Variants in WWOX observed in about 807,000 individuals in gnomAD.
The protein encoded by WWOX is WW domain containing oxidoreductase, also known as WW domain-containing oxidoreductase.
Under a neutral mutation model 46.2 loss-of-function variants are expected in WWOX, and 69 were observed. That is an observed-to-expected ratio of 1.49 (90% CI 1.23 to 1.82). The LOEUF (loss-of-function observed/expected upper bound fraction) is 1.82, where lower values mean the gene tolerates loss of function less well. Ranked by LOEUF, WWOX falls within the 40% of genes most tolerant of loss-of-function variation. WWOX has a pLI of 0.00. For synonymous variants in WWOX, 359 were observed against 202.6 expected (o/e 1.77, Z -6.56); for missense variants, 919 against 542.6 (o/e 1.69, Z -6.89).
At chr16:78,408,088 C>T (rs4888803) in intron 6 of WWOX, among the ~76,000 whole-genome samples, 6,068 of 152,160 alleles carry the variant, frequency 0.04, 277 homozygotes, top group Admixed American at 0.15. Context: ...AGATAGGAGC[C>T]GGTCCCTGTT....
chr16:78,569,668 A>G (rs1287098586), intron 8 of WWOX, among the ~76,000 whole-genome samples: 1 of 152,228 alleles, frequency 6.6e-6, no homozygotes, highest in Non-Finnish European at 1.5e-5. Flanking sequence ...CATTTTTATT[A>G]AACTCTCAGT....
chr16:78,855,340 G>T (rs1319183110), intron 8 of WWOX, among the ~76,000 whole-genome samples: 1 of 152,080 alleles, frequency 6.6e-6, no homozygotes, highest in African/African-American at 2.4e-5. Flanking sequence ...AATCTGAGTG[G>T]GTGTCTAATT....
intron 8 of WWOX, among the ~76,000 whole-genome samples, chr16:78,831,089 T>C (rs1467580917): frequency 6.6e-6 from 1 of 152,186 alleles, no homozygotes; most frequent in Non-Finnish European, 1.5e-5. Flanking sequence ...ACTGCGTTCC[T>C]AGCCCTCCAG....
chr16:78,648,305 T>C (rs923093058), intron 8 of WWOX, among the ~76,000 whole-genome samples: 2 of 152,206 alleles, frequency 1.3e-5, no homozygotes, highest in Non-Finnish European at 2.9e-5. Context: ...TGCGAGGCCC[T>C]TGTTGTAAGG....
At chr16:79,153,274 C>T (rs2050316889) in intron 8 of WWOX, among the ~76,000 whole-genome samples, 1 of 152,144 alleles carries the variant, frequency 6.6e-6, no homozygotes, top group South Asian at 2.1e-4. Context: ...GACTTCCTTT[C>T]TCCAGCTGTG....
chr16:78,360,688 A>G (rs2081390509), intron 5 of WWOX, among the ~76,000 whole-genome samples: 1 of 77,544 alleles, frequency 1.3e-5, no homozygotes. Flanking sequence ...CAAAACTAGA[A>G]AATAGACAAT....
intron 5 of WWOX, among the ~76,000 whole-genome samples, chr16:78,320,394 T>G (rs1460027757): frequency 6.6e-6 from 1 of 152,228 alleles, no homozygotes; most frequent in Non-Finnish European, 1.5e-5. Flanking sequence ...GAACTCCAAG[T>G]AGACGGTTGA....
chr16:78,513,387 G>A (rs2085411055), intron 8 of WWOX, among the ~76,000 whole-genome samples: 1 of 152,148 alleles, frequency 6.6e-6, no homozygotes, highest in Admixed American at 6.5e-5. Context: ...TTGAGATAGG[G>A]TATCCACTGC....
In WWOX at chr16:78,520,942, C is replaced by T. The variant is rs139975354; in HGVS notation, c.1056+88190C>T. Among the ~76,000 whole-genome samples, 732 of 152,168 alleles carry T rather than the reference C, an allele frequency of 4.8e-3. 3 individuals are homozygous for T. Among genetic ancestry groups the T allele is most frequent in the Middle Eastern group, 0.014 (4 of 294 alleles). ...CAAAAGAGCTCAAAATAGACAGTGG[C>T]GTGCTGGGGTCAGGGGTGCTGGTCA... On this transcript the variant is annotated intron_variant, in intron 8 of 8. Transcript: ENST00000566780.
At chr16:78,604,069 G>A (rs560767309) in intron 8 of WWOX, among the ~76,000 whole-genome samples, 13 of 152,206 alleles carry the variant, frequency 8.5e-5, no homozygotes, top group African/African-American at 2.2e-4. Context: ...GCTTGAGCCC[G>A]GGAGGTGGAG....
chr16:78,252,126 C>T (rs1013075501), intron 5 of WWOX, among the ~76,000 whole-genome samples: 8 of 152,082 alleles, frequency 5.3e-5, no homozygotes, highest in African/African-American at 1.7e-4. Flanking sequence ...CACAGAGGTG[C>T]CCTTTGGGGA....
chr16:78,505,563 G>C lies in WWOX; in HGVS notation c.1056+72811G>C, dbSNP rs76600020. Among the ~76,000 whole-genome samples the C allele has an allele frequency of 1.1e-3, 161 of 152,284 alleles. 1 individual carries two copies. The highest frequency in any genetic ancestry group is 3.4e-3 in the African/African-American group (143 of 41,564). On this transcript the variant is annotated intron_variant, in intron 8 of 8. Transcript: ENST00000566780. Reference sequence around the variant, plus strand: ...CTGCTGGGCTCTAGAGAAGTGCTGGGCTACAGCGCCCAGTGCCCTACCTCT... The same window carrying C: ...CTGCTGGGCTCTAGAGAAGTGCTGGCCTACAGCGCCCAGTGCCCTACCTCT...
At chr16:78,147,136 A>C (rs1016749738) in intron 4 of WWOX, among the ~76,000 whole-genome samples, 1 of 150,282 alleles carries the variant, frequency 6.7e-6, no homozygotes, top group Non-Finnish European at 1.5e-5. Context: ...CTGGTTACAT[A>C]GATTATCAGA....
At chr16:78,698,622 G>A (rs565985250) in intron 8 of WWOX, among the ~76,000 whole-genome samples, 74 of 152,038 alleles carry the variant, frequency 4.9e-4, no homozygotes, top group African/African-American at 1.8e-3. Context: ...TTCTTATTTA[G>A]GAACTTTTCC....
At chr16:78,217,375 G>A (rs1597364480) in intron 5 of WWOX, among the ~76,000 whole-genome samples, 1 of 152,204 alleles carries the variant, frequency 6.6e-6, no homozygotes, top group South Asian at 2.1e-4. Flanking sequence ...CAACTCTGGT[G>A]TGGGGAAAAT....
chr16:78,779,922 A>G (rs532712686), intron 8 of WWOX, among the ~76,000 whole-genome samples: 6 of 152,304 alleles, frequency 3.9e-5, no homozygotes, highest in African/African-American at 1.4e-4. Context: ...AGAAGCTCTG[A>G]ATTGCAGCCA....
chr16:78,636,790 G>C (rs557959051), intron 8 of WWOX, among the ~76,000 whole-genome samples: 1 of 152,254 alleles, frequency 6.6e-6, no homozygotes, highest in East Asian at 1.9e-4. Context: ...CTGGAAGGGA[G>C]GCAAGAGGCA....
At chr16:78,406,421 C>T (rs1367599148) in intron 6 of WWOX, among the ~76,000 whole-genome samples, 4 of 144,870 alleles carry the variant, frequency 2.8e-5, no homozygotes, top group Non-Finnish European at 3.0e-5. Context: ...GGTGCAATCT[C>T]GGCTCACTGT....
At chr16:78,325,705 C>T (rs542498035) in intron 5 of WWOX, among the ~76,000 whole-genome samples, 1 of 152,302 alleles carries the variant, frequency 6.6e-6, no homozygotes, top group Non-Finnish European at 1.5e-5. Flanking sequence ...GCTTTTGTCA[C>T]CCTGTGTTTT....
Sources: allele counts gnomAD v4.1 joint callset (sites outside exome capture counted in the v4.1 genomes callset), GRCh38; gene constraint gnomAD v4.1.1; transcripts MANE v1.5; gene names NCBI Gene and HGNC (gene_info 2026-07-23, HGNC 2026-07-21).